LRRC36: variants seen among roughly 807,000 people sequenced by gnomAD.
The protein encoded by LRRC36 is leucine rich repeat containing 36, also known as leucine-rich repeat-containing protein 36.
A neutral mutation model predicts 81.1 loss-of-function variants in LRRC36; 62 were observed. The ratio of observed to expected loss-of-function variants is 0.76; its 90% CI spans 0.62 to 0.94. The LOEUF (loss-of-function observed/expected upper bound fraction) is 0.94. Among genes scored for constraint, LRRC36 ranks in the 40% least tolerant of loss-of-function variants. The pLI is 0.00. For synonymous variants in LRRC36, 334 were observed against 348.6 expected (o/e 0.96, Z 0.47); for missense variants, 761 against 881.7 (o/e 0.86, Z 1.73).
chr16:67,366,383 G>A (rs2039388259), intron 7 of LRRC36, among the ~76,000 whole-genome samples: 1 of 152,144 alleles, frequency 6.6e-6, no homozygotes, highest in Non-Finnish European at 1.5e-5. Flanking sequence ...GGGAGTCCGA[G>A]GCAGGTGGAT....
intron 5 of LRRC36, 122 bp from the exon 6 acceptor site, chr16:67,363,468 G>A: frequency 1.2e-6 from 1 of 856,866 alleles, no homozygotes; most frequent in Non-Finnish European, 1.8e-6. Flanking sequence ...TGGTCTCCAA[G>A]TGGTGGCACC....
intron 1 of LRRC36, among the ~76,000 whole-genome samples, chr16:67,341,264 T>C (rs1344407594): frequency 7.1e-6 from 1 of 141,532 alleles, no homozygotes; most frequent in Non-Finnish European, 1.5e-5. Flanking sequence ...ATATTCTATA[T>C]ATACTATAGC....
At chr16:67,349,086 T>G (rs2038493467) in intron 4 of LRRC36, among the ~76,000 whole-genome samples, 1 of 152,234 alleles carries the variant, frequency 6.6e-6, no homozygotes, top group Non-Finnish European at 1.5e-5. Flanking sequence ...TTATATGTTT[T>G]GTGGATTAAT....
intron 12 of LRRC36, among the ~76,000 whole-genome samples, chr16:67,379,212 C>T (rs997312503): frequency 6.6e-6 from 1 of 151,242 alleles, no homozygotes. Flanking sequence ...TTGACTGAGT[C>T]CAGGAGTTGA....
intron 13 of LRRC36, 123 bp downstream of exon 13, chr16:67,382,370 C>A (rs185518842): frequency 1.7e-5 from 11 of 642,124 alleles, no homozygotes; most frequent in Middle Eastern, 4.0e-4. Flanking sequence ...GTGTGTAAAC[C>A]TCCTGTATCT....
intron 2 of LRRC36, among the ~76,000 whole-genome samples, chr16:67,342,633 C>T (rs527868481): frequency 3.9e-5 from 6 of 152,210 alleles, no homozygotes; most frequent in East Asian, 1.9e-4. Context: ...GAACAGTGTG[C>T]GTGTGGATTA....
intron 1 of LRRC36, among the ~76,000 whole-genome samples, chr16:67,340,965 TATTC>T (rs1287551592): frequency 6.9e-6 from 1 of 144,674 alleles, no homozygotes; most frequent in East Asian, 2.1e-4. Flanking sequence ...GTACTACATA[TATTC>T]TATAGAATAT....
chr16:67,372,366 A>T (rs8045160), intron 9 of LRRC36, among the ~76,000 whole-genome samples: 31,282 of 151,068 alleles, frequency 0.21, 6,653 homozygotes, highest in African/African-American at 0.55. Flanking sequence ...CCAAAAAAAA[A>T]AAAATAAAAT....
At chr16:67,362,817 G>A (rs745744699) in intron 5 of LRRC36, among the ~76,000 whole-genome samples, 41 of 151,712 alleles carry the variant, frequency 2.7e-4, no homozygotes, top group Non-Finnish European at 4.9e-4. Context: ...TCACTGTGTC[G>A]CCCAGGCTGG....
At chr16:67,382,455 T>G (rs2040148354) in intron 13 of LRRC36, among the ~76,000 whole-genome samples, 1 of 152,172 alleles carries the variant, frequency 6.6e-6, no homozygotes, top group Non-Finnish European at 1.5e-5. Flanking sequence ...TTGTTGGCAT[T>G]GGTGGGTTGC....
In LRRC36 at chr16:67,367,305, G is replaced by A; in HGVS notation, c.1043G>A (p.Gly348Asp). The A allele has an allele frequency of 6.2e-7, 1 of 1,614,098 alleles. No homozygotes were observed. Among genetic ancestry groups the A allele is most frequent in the Non-Finnish European group, 8.5e-7 (1 of 1,180,030 alleles). ...ACTCTATCCCTGCATGGAAGTCTTG[G>A]TAAAAGGCCTCAGAGAAGCAAGAAC... The part of the protein sequence containing the change: ...SQTLSLHGSL[G>D]KRPQRSKNYQ... The change falls in exon 8 of 14, where the codon GGT (glycine) becomes GAT (aspartate). Residue 348 changes from glycine (G) to aspartate (D), a missense_variant. Physicochemically the swap from Gly to Asp is moderately conservative, Grantham distance 94. This residue lies in a region of LRRC36 where 139 missense variants were observed against 214.0 expected (regional missense o/e 0.65). Coordinates refer to ENST00000329956, the MANE Select transcript of LRRC36 (RefSeq NM_018296.6).
At chr16:67,384,708 CTT>C (rs1157438870) in intron 13 of LRRC36, among the ~76,000 whole-genome samples, 160 bp from the exon 14 acceptor site, 1 of 152,160 alleles carries the variant, frequency 6.6e-6, no homozygotes, top group Non-Finnish European at 1.5e-5. Flanking sequence ...AATGAAGAAA[CTT>C]TAAGTCTGCT....
intron 1 of LRRC36, among the ~76,000 whole-genome samples, chr16:67,335,412 C>G (rs1044961143): frequency 6.6e-6 from 1 of 152,204 alleles, no homozygotes; most frequent in African/African-American, 2.4e-5. Context: ...GGTTATCTCT[C>G]TTGTTCCCTG....
chr16:67,381,089 T>C (rs1245207390), intron 12 of LRRC36, among the ~76,000 whole-genome samples: 2 of 152,036 alleles, frequency 1.3e-5, no homozygotes, highest in African/African-American at 4.8e-5. Flanking sequence ...CAGGGCGTGG[T>C]GGCATGTGCC....
chr16:67,362,122 A>T (rs1383176466), intron 5 of LRRC36: 2 of 382,542 alleles, frequency 5.2e-6, no homozygotes, highest in East Asian at 1.9e-4. Flanking sequence ...AACAAATCTC[A>T]CACAAAATAA....
chr16:67,373,324 A>C lies in LRRC36; in HGVS notation c.1495-1923A>C, dbSNP rs76935279. Among the ~76,000 whole-genome samples the C allele has an allele frequency of 9.3e-3, 1,416 of 152,336 alleles. 28 individuals are homozygous for C. Among genetic ancestry groups the C allele is most frequent in the African/African-American group, 0.033 (1,356 of 41,570 alleles). The stretch of plus-strand genomic sequence containing the variant: ...GGAAAGCTTTAAAAGAGCTGCTTGA[A>C]TATAAATAAAAAAGAAATATACTTT... On this transcript the variant is annotated intron_variant, in intron 9 of 13. Transcript: ENST00000329956.
chr16:67,381,273 G>C (rs1597510695), intron 12 of LRRC36, among the ~76,000 whole-genome samples: 1 of 148,820 alleles, frequency 6.7e-6, no homozygotes, highest in Non-Finnish European at 1.5e-5. Context: ...ATAGAAGATT[G>C]GCATCATTAC....
rs1348367702 is a variant in LRRC36, at chr16:67,371,048, G to A, written c.1300G>A (p.Val434Ile). Residue 434 changes from valine to isoleucine, a missense_variant, in exon 9 of 14, where the codon GTC becomes ATC. Val to Ile is a conservative substitution (Grantham distance 29). Coordinates refer to ENST00000329956, the MANE Select transcript of LRRC36 (RefSeq NM_018296.6). ...TGATTTAACACCAGCACATGGTTCTGTCCCAAACAACGCTGTCCTGGGAAA... is the reference window on the plus strand; with the variant it reads ...TGATTTAACACCAGCACATGGTTCTATCCCAAACAACGCTGTCCTGGGAAA... ...LDDLTPAHGSVPNNAVLGNRT... is the reference protein window; with the variant it reads ...LDDLTPAHGSIPNNAVLGNRT... 1 of 1,614,058 alleles carries A rather than the reference G, an allele frequency of 6.2e-7. No individual in the cohort carries two copies. The highest frequency in any genetic ancestry group is 8.5e-7 in the Non-Finnish European group (1 of 1,180,044).
chr16:67,381,865 CCT>C (rs2040124435), intron 12 of LRRC36, among the ~76,000 whole-genome samples: 1 of 152,226 alleles, frequency 6.6e-6, no homozygotes, highest in African/African-American at 2.4e-5. Context: ...GATCCACCCG[CCT>C]CAGCCTCCCA....
Sources: gnomAD v4.1 joint callset for allele counts (sites outside exome capture counted in the v4.1 genomes callset) on GRCh38, gnomAD v4.1.1 for gene constraint, gnomAD v4.1.1 regional missense constraint, MANE v1.5 for transcripts, NCBI Gene and HGNC (gene_info 2026-07-23, HGNC 2026-07-21) for gene names.